The following AGXT2 variants were observed in gnomAD, a reference collection of about 807,000 sequenced individuals.
The protein encoded by AGXT2 is alanine--glyoxylate aminotransferase 2, mitochondrial.
In AGXT2, 61 loss-of-function variants were observed where a neutral mutation model predicts 62.5. The ratio of observed to expected loss-of-function variants is 0.98; its 90% CI spans 0.79 to 1.21. The LOEUF is 1.21. Among genes scored for constraint, AGXT2 ranks in the 50% most tolerant of loss-of-function variants. The probability of loss-of-function intolerance (pLI) is 0.00; values close to 1 mark genes in which losing one functional copy is unlikely to be tolerated. For synonymous variants in AGXT2, 243 were observed against 218.7 expected, an observed-to-expected ratio of 1.11 and a Z score of -0.98; for missense variants, 666 against 641.5, an observed-to-expected ratio of 1.04 and a Z score of -0.41.
intron 9 of AGXT2, among the ~76,000 whole-genome samples, chr5:35,019,281 GCACCA>G (rs1766973077): frequency 6.8e-6 from 1 of 147,290 alleles, no homozygotes; most frequent in Non-Finnish European, 1.5e-5. Context: ...ATTTTTTTCA[GCACCA>G]CACCACACCT....
At chr5:35,046,387 T>G (rs963774072) in intron 1 of AGXT2, among the ~76,000 whole-genome samples, 2 of 152,178 alleles carry the variant, frequency 1.3e-5, no homozygotes, top group Non-Finnish European at 2.9e-5. Context: ...CAAAAGAAAC[T>G]CATGACCAAG....
intron 7 of AGXT2, among the ~76,000 whole-genome samples, chr5:35,030,840 C>T (rs1207067262): frequency 6.6e-6 from 1 of 152,158 alleles, no homozygotes; most frequent in African/African-American, 2.4e-5. Context: ...GATTTTAGTT[C>T]TTGATGCCTT....
chr5:35,039,804 C>T (rs750125303), intron 2 of AGXT2, among the ~76,000 whole-genome samples: 10 of 152,154 alleles, frequency 6.6e-5, no homozygotes, highest in African/African-American at 1.2e-4. Flanking sequence ...AAAAAATAGA[C>T]TTCGGAAGTA....
intron 13 of AGXT2, 94 bp downstream of exon 13, chr5:35,003,669 A>G (rs1766319031): frequency 3.3e-6 from 4 of 1,207,184 alleles, no homozygotes; most frequent in Non-Finnish European, 3.7e-6. Context: ...CAGCATTAGG[A>G]CATCTTCACA....
At chr5:35,025,925 GATCATCATT>G (rs1767325819) in intron 8 of AGXT2, 70 bp from the exon 9 acceptor site, 4 of 1,327,428 alleles carry the variant, frequency 3.0e-6, no homozygotes, top group East Asian at 2.3e-5. Context: ...AAAAAAGTTA[GATCATCATT>G]ATCATCATTA....
At chr5:35,015,222 T>C (rs1766806181) in intron 9 of AGXT2, among the ~76,000 whole-genome samples, 1 of 152,164 alleles carries the variant, frequency 6.6e-6, no homozygotes, top group African/African-American at 2.4e-5. Flanking sequence ...AGGACTGTTA[T>C]CACCAGTGGG....
intron 10 of AGXT2, 104 bp from the exon 11 acceptor site, chr5:35,013,149 C>A: frequency 1.0e-6 from 1 of 964,738 alleles, no homozygotes; most frequent in Non-Finnish European, 1.6e-6. Flanking sequence ...AAATGGCATC[C>A]AATCCAATTC....
At chr5:35,033,171 T>G in intron 6 of AGXT2, 1 of 488,584 alleles carries the variant, frequency 2.0e-6, no homozygotes, top group Admixed American at 3.3e-5. Context: ...AGTACAGTGA[T>G]GACTGCATAG....
chr5:35,032,734 G>A lies in AGXT2; in HGVS notation c.767C>T (p.Pro256Leu), dbSNP rs1335444941. 6.2e-7 allele frequency: 1 copy of A among 1,605,508 alleles called. No individual in the cohort carries two copies. ...VQTIRKCSCAPDCCQAKDQYI... is the reference protein window; with the variant it reads ...VQTIRKCSCALDCCQAKDQYI... ...GCACCCCCCTTGCCCAGTCGGACCTGGTGCACAGCTGCACTTCCTGATTGT... is the reference window on the plus strand; with the variant it reads ...GCACCCCCCTTGCCCAGTCGGACCTAGTGCACAGCTGCACTTCCTGATTGT... The change falls in exon 7 of 14, where the codon CCA becomes CTA. Residue 256 changes from proline to leucine, a missense_variant and splice_region_variant. Physicochemically the swap from Pro to Leu is moderately conservative, Grantham distance 98. Transcript: ENST00000231420.
chr5:35,026,984 T>C lies in AGXT2; in HGVS notation c.770-474A>G, dbSNP rs945678580. 1.6e-5 allele frequency: 16 copies of C among 985,348 alleles called. No homozygotes were observed. The South Asian group carries it at 1.9e-4, about 12-fold the overall frequency. The allele number at this position is 985,348 out of a possible 1,614,324, so 61.0% of individuals were successfully genotyped here. A position where few individuals can be genotyped will look rare whatever the true frequency, so the allele number is the denominator to read the frequency against. On this transcript the variant is annotated intron_variant, in intron 7 of 13. Coordinates refer to ENST00000231420, the MANE Select transcript of AGXT2 (RefSeq NM_031900.4). ...TGTCTTTGTCTTTAGAGTTAGTAAATATGCTTGTAGAACAATTAGAATTCA... is the reference window on the plus strand; with the variant it reads ...TGTCTTTGTCTTTAGAGTTAGTAAACATGCTTGTAGAACAATTAGAATTCA...
In AGXT2 at chr5:35,010,009, C is replaced by A; in HGVS notation, c.1329G>T (p.Val443=). 6.2e-7 allele frequency: 1 copy of A among 1,614,216 alleles called. No homozygotes were observed. The highest frequency in any genetic ancestry group is 1.6e-4 in the Middle Eastern group (1 of 6,062). The change falls in exon 12 of 14, where the codon GTG becomes GTT. Residue 443 remains valine (V), a synonymous_variant. Coordinates refer to ENST00000231420, the MANE Select transcript of AGXT2 (RefSeq NM_031900.4). The part of the protein sequence containing the change: ...GKGLMIGIEM[V]QDKISCRPLP... ...GCAGATTAGCACCTACCTTATCCTGCACCATTTCTATGCCTATCATGAGAC... is the reference window on the plus strand; with the variant it reads ...GCAGATTAGCACCTACCTTATCCTGAACCATTTCTATGCCTATCATGAGAC...
intron 9 of AGXT2, among the ~76,000 whole-genome samples, chr5:35,016,539 CCA>C (rs1038823378): frequency 6.6e-6 from 1 of 152,160 alleles, no homozygotes; most frequent in Non-Finnish European, 1.5e-5. Flanking sequence ...TCTGTGGTCA[CCA>C]GTCACCTTTT....
intron 7 of AGXT2, chr5:35,026,779 G>C: frequency 1.1e-6 from 1 of 940,262 alleles, no homozygotes; most frequent in Non-Finnish European, 1.3e-6. Flanking sequence ...TCCATCTGGG[G>C]AAGAAACGTC....
chr5:35,019,178 C>T lies in AGXT2; in HGVS notation c.964-5059G>A, dbSNP rs1766968623. On this transcript the variant is annotated intron_variant, in intron 9 of 13. Transcript: ENST00000231420. Reference sequence around the variant, plus strand: ...TAGACAGATCAATGAGACAGAAAGTCAACAAGGATACCCAGGAATTGAACT... The same window carrying T: ...TAGACAGATCAATGAGACAGAAAGTTAACAAGGATACCCAGGAATTGAACT... 4.5e-5 allele frequency among the ~76,000 whole-genome samples: 5 copies of T among 111,566 alleles called. No individual in the cohort carries two copies. The South Asian group carries it at 1.6e-3, about 35-fold the overall frequency. 73.2% of individuals were successfully genotyped at this position (111,566 alleles called of 152,430 possible).
chr5:35,000,486 T>C lies in AGXT2; in HGVS notation c.1438-1660A>G, dbSNP rs560844201. 1.1e-3 allele frequency among the ~76,000 whole-genome samples: 165 copies of C among 152,278 alleles called. 1 individual carries two copies. The highest frequency in any genetic ancestry group is 3.7e-3 in the African/African-American group (154 of 41,562). Reference sequence around the variant, plus strand: ...ACCTCCGCCTCCCAGGTTCACACAATTCTCCTGCCTCAGCCTCCTGAGTAG... The same window carrying C: ...ACCTCCGCCTCCCAGGTTCACACAACTCTCCTGCCTCAGCCTCCTGAGTAG... On this transcript the variant is annotated intron_variant, in intron 13 of 13. Coordinates refer to ENST00000231420, the MANE Select transcript of AGXT2 (RefSeq NM_031900.4).
At chr5:35,011,880 A>G (rs963987041) in intron 11 of AGXT2, among the ~76,000 whole-genome samples, 2 of 151,356 alleles carry the variant, frequency 1.3e-5, no homozygotes, top group Admixed American at 1.3e-4. Context: ...CTAAGAGCCC[A>G]TCAATTGATG....
intron 1 of AGXT2, among the ~76,000 whole-genome samples, chr5:35,047,585 C>T (rs187106421): frequency 2.5e-3 from 379 of 152,108 alleles, no homozygotes; most frequent in Non-Finnish European, 4.3e-3. Context: ...GTTTCATTAT[C>T]CACGAATTTC....
chr5:35,033,256 A>G (rs1447610109), intron 6 of AGXT2: 2 of 576,264 alleles, frequency 3.5e-6, no homozygotes, highest in African/African-American at 3.8e-5. Flanking sequence ...ACATTTTAAA[A>G]CTCTGTCATT....
rs1189820094 is a variant in AGXT2 at position 35,047,680 on chromosome 5, A to T, written c.88+125T>A. 3 of 1,251,972 alleles carry T rather than the reference A, an allele frequency of 2.4e-6. No individual in the cohort carries two copies. In the Admixed American group the frequency reaches 7.8e-5, roughly 32 times the overall value. 77.6% of individuals were successfully genotyped at this position (1,251,972 alleles called of 1,614,324 possible). On this transcript the variant is annotated intron_variant, in intron 1 of 13. Transcript: ENST00000231420. ...GGGTGAGAACCTGTGTGTCAAAAACATGCCTCATCTCTAAGACCTCACCCA... is the reference window on the plus strand; with the variant it reads ...GGGTGAGAACCTGTGTGTCAAAAACTTGCCTCATCTCTAAGACCTCACCCA...
Sources: allele counts gnomAD v4.1 joint callset (sites outside exome capture counted in the v4.1 genomes callset), GRCh38; gene constraint gnomAD v4.1.1; transcripts MANE v1.5; gene names NCBI Gene and HGNC (gene_info 2026-07-23, HGNC 2026-07-21).